MYO9B: variants seen among roughly 807,000 people sequenced by gnomAD.
MYO9B encodes the protein unconventional myosin-IXb.
Under a neutral mutation model 229.5 loss-of-function variants are expected in MYO9B, and 71 were observed. The ratio of observed to expected loss-of-function variants is 0.31; its 90% CI spans 0.26 to 0.38. MYO9B has a LOEUF of 0.38. MYO9B is among the 10% of genes least tolerant of loss of function. The pLI is 1.00. For synonymous variants in MYO9B, 1,185 were observed against 1,235.8 expected, an observed-to-expected ratio of 0.96 and a Z score of 0.86; for missense variants, 2,255 against 2,920.5, an observed-to-expected ratio of 0.77 and a Z score of 5.25.
At chr19:17,210,544 C>A in intron 37 of MYO9B, 164 bp downstream of exon 37, 1 of 1,229,694 alleles carries the variant, frequency 8.1e-7, no homozygotes, top group Non-Finnish European at 1.1e-6. Context: ...GTGCTCAGGA[C>A]GACTAATCGG....
intron 2 of MYO9B, among the ~76,000 whole-genome samples, chr19:17,138,982 GC>G (rs1166036406): frequency 2.0e-5 from 3 of 151,994 alleles, no homozygotes; most frequent in Non-Finnish European, 4.4e-5. Context: ...GACCAGCCTG[GC>G]CCCGAACTCT....
chr19:17,093,544 A>G (rs893875078), intron 1 of MYO9B, among the ~76,000 whole-genome samples: 14 of 152,118 alleles, frequency 9.2e-5, no homozygotes, highest in African/African-American at 2.7e-4. Flanking sequence ...ATTTCCGACC[A>G]TCTCCCTGCT....
At chr19:17,090,890 C>A (rs2057631567) in intron 1 of MYO9B, among the ~76,000 whole-genome samples, 1 of 152,200 alleles carries the variant, frequency 6.6e-6, no homozygotes, top group African/African-American at 2.4e-5. Flanking sequence ...CTGCTTCCTT[C>A]CATTCCCGCC....
At chr19:17,166,540 A>G (rs574601317) in intron 10 of MYO9B, among the ~76,000 whole-genome samples, 1 of 151,310 alleles carries the variant, frequency 6.6e-6, no homozygotes, top group Admixed American at 6.6e-5. Flanking sequence ...ACATGTGCAG[A>G]TTTGTTACAT....
At chr19:17,110,330 G>A (rs2057835609) in intron 2 of MYO9B, among the ~76,000 whole-genome samples, 1 of 152,238 alleles carries the variant, frequency 6.6e-6, no homozygotes, top group South Asian at 2.1e-4. Context: ...AGGGGCTGCA[G>A]AAGCCATGAG....
In MYO9B at chr19:17,202,902, G is replaced by T; in HGVS notation, c.4878+19G>T. On this transcript the variant is annotated intron_variant, in intron 29 of 39. Transcript: ENST00000682292. Reference sequence around the variant, plus strand: ...GCGTGCTGTGAGTAGGCTGCACATAGATGAGAGTCCGAGCAGGCGAACATT... The same window carrying T: ...GCGTGCTGTGAGTAGGCTGCACATATATGAGAGTCCGAGCAGGCGAACATT... The T allele has an allele frequency of 6.3e-7, 1 of 1,597,006 alleles. No individual in the cohort carries two copies. The highest frequency in any genetic ancestry group is 8.5e-7 in the Non-Finnish European group (1 of 1,171,464).
rs558277353 is a variant in MYO9B, at chr19:17,152,631, C to T, written c.936-13C>T. The T allele has an allele frequency of 3.1e-6, 5 of 1,602,808 alleles. No homozygotes were observed. In the African/African-American group the frequency reaches 4.0e-5, roughly 13 times the overall value. On this transcript the variant is annotated splice_polypyrimidine_tract_variant and intron_variant, in intron 3 of 39. Transcript: ENST00000682292. ...GTAATGTTTTATTCTTTCTGTTTTT[C>T]TCTTAATGACAGAGCTGTCGTCGAG...
rs1472918057 is a variant in MYO9B at position 17,137,099 on chromosome 19, G to A, written c.841-8298G>A. Among the ~76,000 whole-genome samples, 12 of 152,044 alleles carry A rather than the reference G, an allele frequency of 7.9e-5. No homozygotes were observed. In the South Asian group the frequency reaches 1.7e-3, roughly 21 times the overall value. On this transcript the variant is annotated intron_variant, in intron 2 of 39. Coordinates refer to ENST00000682292, the MANE Select transcript of MYO9B (RefSeq NM_004145.4). ...ACAAAATTAGCCGGGGTGATGGCGC[G>A]TGCCTATAATCCCAGCTACTCGGGA...
chr19:17,188,203 C>T (rs959983960), intron 19 of MYO9B, among the ~76,000 whole-genome samples, 158 bp downstream of exon 19: 1 of 151,692 alleles, frequency 6.6e-6, no homozygotes, highest in Non-Finnish European at 1.5e-5. Context: ...CTGAGGCAGG[C>T]GGATCACCTG....
chr19:17,210,336 T>C lies in MYO9B; in HGVS notation c.5752T>C (p.Trp1918Arg), dbSNP rs1568305139. Residue 1918 changes from tryptophan (W) to arginine (R), a missense_variant, in exon 37 of 40, where the codon TGG becomes CGG. Trp to Arg is a moderately radical substitution (Grantham distance 101, BLOSUM62 -3). Transcript: ENST00000682292. Reference sequence around the variant, plus strand: ...CCTGTGTTCATCTCTCTCCCAGCCATGGCCTCTCAAACTGGGGTTTTCGTC... The same window carrying C: ...CCTGTGTTCATCTCTCTCCCAGCCACGGCCTCTCAAACTGGGGTTTTCGTC... ...RLSLLRQNAPWPLKLGFSSPY... is the reference protein window; with the variant it reads ...RLSLLRQNAPRPLKLGFSSPY... The C allele has an allele frequency of 2.5e-6, 4 of 1,597,962 alleles. No individual in the cohort carries two copies. In the South Asian group the frequency reaches 3.4e-5, roughly 14 times the overall value.
chr19:17,102,097 C>T lies in MYO9B; in HGVS notation c.380C>T (p.Ala127Val), dbSNP rs761581578. 15 of 1,612,980 alleles carry T rather than the reference C, an allele frequency of 9.3e-6. No homozygotes were observed. The highest frequency in any genetic ancestry group is 2.2e-5 in the South Asian group (2 of 91,086). Residue 127 changes from alanine (A) to valine (V), a missense_variant, in exon 2 of 40, where the codon GCG (alanine) becomes GTG (valine). Ala to Val is a moderately conservative substitution (Grantham distance 64). This residue lies in a region of MYO9B where 386 missense variants were observed against 515.2 expected (regional missense o/e 0.75). Transcript: ENST00000682292. ...TIKYVHMQLV[A>V]QATATRRLVE... ...AAGTACGTGCATATGCAGCTGGTGG[C>T]GCAGGCCACAGCCACCCGGCGCCTA...
chr19:17,205,737 C>G (rs1245857030), intron 31 of MYO9B, among the ~76,000 whole-genome samples: 1 of 152,170 alleles, frequency 6.6e-6, no homozygotes, highest in Admixed American at 6.5e-5. Flanking sequence ...CCACCCATGC[C>G]TTGGGTGGCC....
chr19:17,200,479 G>A (rs372401272), intron 25 of MYO9B, 53 bp downstream of exon 25: 51 of 1,534,100 alleles, frequency 3.3e-5, no homozygotes, highest in African/African-American at 2.1e-4. Context: ...GTGCCCCTGG[G>A]GACATTCACT....
chr19:17,157,121 C>T lies in MYO9B; in HGVS notation c.1329+83C>T, dbSNP rs181538502. 707 of 1,487,294 alleles carry T rather than the reference C, an allele frequency of 4.8e-4. 1 individual carries two copies. The highest frequency in any genetic ancestry group is 2.8e-4 in the Non-Finnish European group (316 of 1,114,434). The allele number at this position is 1,487,294 out of a possible 1,614,324, so 92.1% of individuals were successfully genotyped here. On this transcript the variant is annotated intron_variant, in intron 7 of 39. Coordinates refer to ENST00000682292, the MANE Select transcript of MYO9B (RefSeq NM_004145.4). ...TCAGTACGAGGGACCATACCCAGAACTTCCTACGTCAGCTGAGGTTTCATC... is the reference window on the plus strand; with the variant it reads ...TCAGTACGAGGGACCATACCCAGAATTTCCTACGTCAGCTGAGGTTTCATC...
chr19:17,200,895 C>A, intron 26 of MYO9B, 66 bp downstream of exon 26: 1 of 1,539,304 alleles, frequency 6.5e-7, no homozygotes. Context: ...CACAGCCAGG[C>A]ATTGTTTTCT....
chr19:17,108,330 T>A (rs979916958), intron 2 of MYO9B, among the ~76,000 whole-genome samples: 2 of 151,874 alleles, frequency 1.3e-5, no homozygotes, highest in Non-Finnish European at 2.9e-5. Context: ...GGGCGACTGT[T>A]TGCAAAGGGA....
chr19:17,194,789 C>T lies in MYO9B; in HGVS notation c.3362C>T (p.Pro1121Leu), dbSNP rs1489671606. The T allele has an allele frequency of 1.2e-6, 2 of 1,613,368 alleles. No individual in the cohort carries two copies. The highest frequency in any genetic ancestry group is 4.5e-5 in the East Asian group (2 of 44,868). ...LEHSSPEKEAPSPEKTLPPQK... is the reference protein window; with the variant it reads ...LEHSSPEKEALSPEKTLPPQK... ...CACTCCTCACCTGAGAAGGAGGCCCCAAGCCCAGAGAAGACTCTCCCACCC... is the reference window on the plus strand; with the variant it reads ...CACTCCTCACCTGAGAAGGAGGCCCTAAGCCCAGAGAAGACTCTCCCACCC... Residue 1121 changes from proline to leucine, a missense_variant, in exon 22 of 40, where the codon CCA (proline) becomes CTA (leucine). By Grantham distance (98) the Pro-to-Leu change is moderately conservative (BLOSUM62 -3). Transcript: ENST00000682292.
chr19:17,191,363 C>T (rs964424004), intron 20 of MYO9B, 144 bp downstream of exon 20: 3 of 1,156,446 alleles, frequency 2.6e-6, no homozygotes, highest in Non-Finnish European at 3.5e-6. Flanking sequence ...CAGCAGAGCA[C>T]TGCACCTAAG....
intron 13 of MYO9B, among the ~76,000 whole-genome samples, chr19:17,174,453 G>T (rs1206704968): frequency 1.3e-5 from 2 of 151,952 alleles, no homozygotes; most frequent in Non-Finnish European, 2.9e-5. Context: ...TGACCAACAT[G>T]GTGAAAGCCC....
Sources: gnomAD v4.1 joint callset for allele counts (sites outside exome capture counted in the v4.1 genomes callset) on GRCh38, gnomAD v4.1.1 for gene constraint, gnomAD v4.1.1 regional missense constraint, MANE v1.5 for transcripts, NCBI Gene and HGNC (gene_info 2026-07-23, HGNC 2026-07-21) for gene names.